Variants in SGMS1 observed in about 807,000 individuals in gnomAD.
The protein encoded by SGMS1 is sphingomyelin synthase 1.
SGMS1 carries 13 observed loss-of-function variants against 46.2 expected under a neutral mutation model. The observed-to-expected ratio is 0.28, with a 90% CI of 0.18 to 0.45. SGMS1 has a LOEUF of 0.45. SGMS1 is among the 20% of genes least tolerant of loss of function. The pLI is 1.00. For synonymous variants in SGMS1, 203 were observed against 187.8 expected, an observed-to-expected ratio of 1.08 and a Z score of -0.66; for missense variants, 324 against 519.9, an observed-to-expected ratio of 0.62 and a Z score of 3.66.
At chr10:50,365,166 T>C (rs1848312982) in intron 6 of SGMS1, among the ~76,000 whole-genome samples, 1 of 146,080 alleles carries the variant, frequency 6.8e-6, no homozygotes, top group Admixed American at 7.2e-5. Flanking sequence ...ACGTTGAGAA[T>C]CTCTTGAACC....
At chr10:50,511,036 T>C (rs575819107) in intron 3 of SGMS1, among the ~76,000 whole-genome samples, 1 of 152,224 alleles carries the variant, frequency 6.6e-6, no homozygotes, top group South Asian at 2.1e-4. Context: ...CTTACCACAT[T>C]AAAAAGCCAA....
chr10:50,624,830 G>C, upstream of SGMS1: 1 of 986,894 alleles, frequency 1.0e-6, no homozygotes, highest in Non-Finnish European at 1.2e-6. Context: ...GCCGCACCTC[G>C]GTGGCCTACA....
intron 6 of SGMS1, among the ~76,000 whole-genome samples, chr10:50,398,136 A>C (rs1258469282): frequency 6.6e-6 from 1 of 152,134 alleles, no homozygotes; most frequent in Non-Finnish European, 1.5e-5. Context: ...TTTGGTGGTT[A>C]TTTTTCCACT....
At chr10:50,308,759 GAA>G (rs1847212652) in intron 9 of SGMS1, among the ~76,000 whole-genome samples, 1 of 152,172 alleles carries the variant, frequency 6.6e-6, no homozygotes, top group African/African-American at 2.4e-5. Flanking sequence ...AATTACCTGA[GAA>G]AAACATCAAA....
At chr10:50,569,006 G>A (rs112480663) in intron 2 of SGMS1, among the ~76,000 whole-genome samples, 66 of 152,230 alleles carry the variant, frequency 4.3e-4, no homozygotes, top group African/African-American at 1.5e-3. Flanking sequence ...TAGGGACATG[G>A]ATGAAGCTGG....
At chr10:50,455,444 A>C (rs1837179443) in intron 5 of SGMS1, among the ~76,000 whole-genome samples, 1 of 152,220 alleles carries the variant, frequency 6.6e-6, no homozygotes, top group Non-Finnish European at 1.5e-5. Context: ...ATACCCCTGC[A>C]CCAACTGTCT....
At chr10:50,547,262 G>A (rs1378665543) in intron 2 of SGMS1, among the ~76,000 whole-genome samples, 1 of 151,998 alleles carries the variant, frequency 6.6e-6, no homozygotes, top group African/African-American at 2.4e-5. Flanking sequence ...AGAGTAAAGG[G>A]ATTATTTTAA....
At chr10:50,380,548 T>A (rs1848587538) in intron 6 of SGMS1, among the ~76,000 whole-genome samples, 1 of 152,026 alleles carries the variant, frequency 6.6e-6, no homozygotes, top group Non-Finnish European at 1.5e-5. Flanking sequence ...GGTCCTCAAG[T>A]TCCTCCTCAG....
At chr10:50,521,676 A>G (rs1291275534) in intron 2 of SGMS1, among the ~76,000 whole-genome samples, 1 of 152,140 alleles carries the variant, frequency 6.6e-6, no homozygotes, top group African/African-American at 2.4e-5. Context: ...TTTTATATTA[A>G]TAGAACATCT....
intron 7 of SGMS1, among the ~76,000 whole-genome samples, chr10:50,341,823 T>G (rs1287319658): frequency 6.6e-6 from 1 of 152,064 alleles, no homozygotes; most frequent in Non-Finnish European, 1.5e-5. Context: ...AGAAATAGAT[T>G]TGAGGAAAAT....
chr10:50,331,016 A>C (rs1347242624), intron 7 of SGMS1, among the ~76,000 whole-genome samples: 2 of 152,220 alleles, frequency 1.3e-5, no homozygotes, highest in Admixed American at 6.5e-5. Context: ...GAATCAGAGA[A>C]ATGGGTGACA....
chr10:50,486,393 G>C (rs1336454774), intron 3 of SGMS1, among the ~76,000 whole-genome samples: 1 of 152,174 alleles, frequency 6.6e-6, no homozygotes, highest in Non-Finnish European at 1.5e-5. Context: ...CGGAACGGGA[G>C]AGAATTTGTG....
chr10:50,530,628 G>A (rs566302168), intron 2 of SGMS1, among the ~76,000 whole-genome samples: 30 of 152,120 alleles, frequency 2.0e-4, no homozygotes, highest in African/African-American at 5.5e-4. Context: ...AAGACTACAC[G>A]TATGTGCCAC....
intron 1 of SGMS1, among the ~76,000 whole-genome samples, chr10:50,612,516 G>A (rs1445031668): frequency 6.6e-6 from 1 of 152,096 alleles, no homozygotes; most frequent in Non-Finnish European, 1.5e-5. Flanking sequence ...ACAAGGAACT[G>A]GAACCACTGA....
At chr10:50,434,959 A>T (rs1216637561) in intron 5 of SGMS1, among the ~76,000 whole-genome samples, 1 of 152,150 alleles carries the variant, frequency 6.6e-6, no homozygotes, top group Non-Finnish European at 1.5e-5. Flanking sequence ...TCTAATAATA[A>T]AGAAAGAACT....
chr10:50,514,264 C>A (rs1192474099), intron 3 of SGMS1, among the ~76,000 whole-genome samples: 1 of 152,166 alleles, frequency 6.6e-6, no homozygotes. Context: ...GTCTACCTAC[C>A]ATGTATACCA....
At chr10:50,314,858 C>A (rs1847313912) in intron 8 of SGMS1, among the ~76,000 whole-genome samples, 1 of 152,092 alleles carries the variant, frequency 6.6e-6, no homozygotes, top group South Asian at 2.1e-4. Flanking sequence ...GAGTTCAAGG[C>A]TACAGTGAGC....
chr10:50,552,218 T>C (rs1211857357), intron 2 of SGMS1, among the ~76,000 whole-genome samples: 1 of 152,234 alleles, frequency 6.6e-6, no homozygotes, highest in Non-Finnish European at 1.5e-5. Flanking sequence ...TATATTTATC[T>C]TGGTTTTATT....
intron 6 of SGMS1, among the ~76,000 whole-genome samples, chr10:50,405,593 A>T (rs540342766): frequency 6.6e-6 from 1 of 152,204 alleles, no homozygotes; most frequent in Non-Finnish European, 1.5e-5. Flanking sequence ...GAACTATCCC[A>T]ATTCATGAAA....
Sources: gnomAD v4.1 joint callset for allele counts (sites outside exome capture counted in the v4.1 genomes callset) on GRCh38, gnomAD v4.1.1 for gene constraint, MANE v1.5 for transcripts, NCBI Gene and HGNC (gene_info 2026-07-23, HGNC 2026-07-21) for gene names.